The following GRM5 variants were observed in gnomAD, a reference collection of about 807,000 sequenced individuals.
The protein encoded by GRM5 is metabotropic glutamate receptor 5.
A neutral mutation model predicts 83.1 loss-of-function variants in GRM5; 19 were observed. The observed-to-expected ratio is 0.23, with a 90% CI of 0.16 to 0.34. The LOEUF (loss-of-function observed/expected upper bound fraction) is 0.34. GRM5 is among the 10% of genes least tolerant of loss of function. The probability of loss-of-function intolerance (pLI) is 1.00; values close to 1 mark genes in which losing one functional copy is unlikely to be tolerated. For missense variants in GRM5, 1,160 were observed against 1,588.3 expected (o/e 0.73, Z 4.58); for synonymous variants, 675 against 633.6 (o/e 1.07, Z -0.98).
At chr11:88,683,684 C>T (rs1318025778) in intron 3 of GRM5, among the ~76,000 whole-genome samples, 4 of 152,120 alleles carry the variant, frequency 2.6e-5, no homozygotes, top group Non-Finnish European at 1.5e-5. Context: ...AATTCAACAT[C>T]TACTTTAGGT....
chr11:88,884,638 T>C (rs559294278), intron 2 of GRM5, among the ~76,000 whole-genome samples: 48 of 152,304 alleles, frequency 3.2e-4, no homozygotes, highest in African/African-American at 1.1e-3. Context: ...TCTTGAATGA[T>C]AGCTCCCATA....
chr11:88,897,525 C>T (rs981809388), intron 2 of GRM5, among the ~76,000 whole-genome samples: 1 of 151,862 alleles, frequency 6.6e-6, no homozygotes, highest in East Asian at 1.9e-4. Flanking sequence ...TGAACATCAG[C>T]AAGTTACTGA....
chr11:88,618,334 T>C (rs1439619521), intron 4 of GRM5, among the ~76,000 whole-genome samples: 7 of 152,220 alleles, frequency 4.6e-5, no homozygotes, highest in Non-Finnish European at 1.0e-4. Flanking sequence ...GCCCAGACAC[T>C]TTTACTAATC....
At chr11:88,822,689 G>A (rs1347810314) in intron 3 of GRM5, among the ~76,000 whole-genome samples, 1 of 151,648 alleles carries the variant, frequency 6.6e-6, no homozygotes, top group South Asian at 2.1e-4. Context: ...TCCTGAATGT[G>A]GTACATCTTT....
chr11:88,778,824 G>A (rs1390445228), intron 3 of GRM5, among the ~76,000 whole-genome samples: 5 of 152,128 alleles, frequency 3.3e-5, no homozygotes, highest in Non-Finnish European at 7.4e-5. Context: ...GGGGAGAAGA[G>A]TTTTTTCAAG....
intron 2 of GRM5, among the ~76,000 whole-genome samples, chr11:88,856,061 T>C (rs934525349): frequency 6.6e-6 from 1 of 152,086 alleles, no homozygotes; most frequent in African/African-American, 2.4e-5. Flanking sequence ...AAGTGTAACC[T>C]TCTACAATAG....
At chr11:88,687,206 G>T (rs113770793) in intron 3 of GRM5, among the ~76,000 whole-genome samples, 16 of 151,750 alleles carry the variant, frequency 1.1e-4, no homozygotes, top group African/African-American at 3.9e-4. Flanking sequence ...CAGGAGCAGC[G>T]GCTCGCGCCT....
chr11:88,666,950 G>A (rs887574602), intron 3 of GRM5, among the ~76,000 whole-genome samples: 3 of 152,108 alleles, frequency 2.0e-5, no homozygotes, highest in Non-Finnish European at 4.4e-5. Context: ...AGGAAAAACA[G>A]TCAATGAAAT....
chr11:88,676,559 T>A (rs1940334304), intron 3 of GRM5, among the ~76,000 whole-genome samples: 1 of 152,034 alleles, frequency 6.6e-6, no homozygotes, highest in African/African-American at 2.4e-5. Context: ...TACAATGATT[T>A]AAATATGCAC....
chr11:88,802,097 T>C (rs1943408452), intron 3 of GRM5, among the ~76,000 whole-genome samples: 1 of 152,154 alleles, frequency 6.6e-6, no homozygotes, highest in African/African-American at 2.4e-5. Context: ...TGGGTTTCTT[T>C]GATTTTATGC....
At chr11:88,588,920 C>A (rs1937597041) in intron 7 of GRM5, among the ~76,000 whole-genome samples, 1 of 152,058 alleles carries the variant, frequency 6.6e-6, no homozygotes, top group Non-Finnish European at 1.5e-5. Context: ...ACCTCAATTT[C>A]TCAAGTACCT....
chr11:88,786,459 C>T lies in GRM5; in HGVS notation c.911+63447G>A, dbSNP rs533298980. ...AAAGCCAAAGTGCTTATAGTTCTTA[C>T]ATTAACCAATCTACTCTCTTTAGCT... On this transcript the variant is annotated intron_variant, in intron 3 of 9. Transcript: ENST00000305447. Among the ~76,000 whole-genome samples, 28 of 152,238 alleles carry T rather than the reference C, an allele frequency of 1.8e-4. No individual in the cohort carries two copies. The South Asian group carries it at 5.8e-3, about 32-fold the overall frequency.
At chr11:88,662,660 T>TA (rs957960499) in intron 3 of GRM5, among the ~76,000 whole-genome samples, 56 of 152,024 alleles carry the variant, frequency 3.7e-4, no homozygotes, top group African/African-American at 1.3e-3. Context: ...ATTTCTGATT[T>TA]AAAAAAAAGA....
intron 3 of GRM5, among the ~76,000 whole-genome samples, chr11:88,717,045 T>C (rs1280740995): frequency 2.6e-5 from 4 of 151,956 alleles, no homozygotes; most frequent in Non-Finnish European, 4.4e-5. Context: ...CTTAGTAAGA[T>C]AGTAAATTAT....
chr11:88,898,200 A>T (rs907432172), intron 2 of GRM5, among the ~76,000 whole-genome samples: 1 of 151,860 alleles, frequency 6.6e-6, no homozygotes, highest in Admixed American at 6.6e-5. Flanking sequence ...CTGTCTCTGT[A>T]TCCAAATTTC....
chr11:88,982,266 C>A (rs1373407215), intron 2 of GRM5, among the ~76,000 whole-genome samples: 2 of 152,110 alleles, frequency 1.3e-5, no homozygotes, highest in Non-Finnish European at 1.5e-5. Context: ...TTTCTTCTAG[C>A]CTACTTGTTC....
At chr11:89,004,394 ACTT>A (rs1283146885) in intron 2 of GRM5, among the ~76,000 whole-genome samples, 1 of 152,224 alleles carries the variant, frequency 6.6e-6, no homozygotes, top group African/African-American at 2.4e-5. Flanking sequence ...ATGACATTGA[ACTT>A]CTCAAATTAT....
At chr11:88,813,418 G>A (rs1431009023) in intron 3 of GRM5, among the ~76,000 whole-genome samples, 1 of 152,164 alleles carries the variant, frequency 6.6e-6, no homozygotes, top group Non-Finnish European at 1.5e-5. Flanking sequence ...CCACTTCAGA[G>A]TCAGCCTGAG....
In GRM5 at chr11:88,556,324, C is replaced by CTT. The variant is rs377331160; in HGVS notation, c.2630+10727_2630+10728dup. 1.6e-3 allele frequency among the ~76,000 whole-genome samples: 204 copies of CTT among 129,746 alleles called. 3 individuals carry two copies. Among genetic ancestry groups the CTT allele is most frequent in the African/African-American group, 5.5e-3 (190 of 34,686 alleles). The allele number at this position is 129,746 out of a possible 152,430, so 85.1% of individuals were successfully genotyped here. ...ACTGTGGGACACATTCTTTTCTTTT[C>CTT]TTTTTTTTTTTTTTTTTAGATGGAG... On this transcript the variant is annotated intron_variant, in intron 8 of 9. Transcript: ENST00000305447.
Sources: gnomAD v4.1 joint callset for allele counts (sites outside exome capture counted in the v4.1 genomes callset) on GRCh38, gnomAD v4.1.1 for gene constraint, MANE v1.5 for transcripts, NCBI Gene and HGNC (gene_info 2026-07-23, HGNC 2026-07-21) for gene names.